TPRX1: variants seen among roughly 807,000 people sequenced by gnomAD.
TPRX1 encodes tetra-peptide repeat homeobox protein 1.
In TPRX1, 2 loss-of-function variants were observed where a neutral mutation model predicts 8.1. The ratio of observed to expected loss-of-function variants is 0.25; its 90% CI spans 0.10 to 0.78. The LOEUF is 0.78. Among genes scored for constraint, TPRX1 ranks in the 30% least tolerant of loss-of-function variants. TPRX1 has a pLI of 0.70. For missense variants in TPRX1, 517 were observed against 586.9 expected (o/e 0.88, Z 1.23); for synonymous variants, 257 against 254.1 (o/e 1.01, Z -0.11).
At position 47,802,396 on chromosome 19, in the gene TPRX1, GCC is replaced by G. The variant is rs1967681161; in HGVS notation, c.904_905del (p.Gly302ProfsTer175). On this transcript the variant is annotated frameshift_variant, in exon 4 of 4. Coordinates refer to ENST00000535759, the Ensembl canonical transcript of TPRX1. LOFTEE classifies it low-confidence loss of function (END_TRUNC). ...GGCCTGAGATTGGGCCTGGGATCGGGCCTGGGATCGGGACTGAGATTGGGCCT... is the reference window on the plus strand; with the variant it reads ...GGCCTGAGATTGGGCCTGGGATCGGGTGGGATCGGGACTGAGATTGGGCCT... 1 of 1,298,892 alleles carries G rather than the reference GCC, an allele frequency of 7.7e-7. No individual in the cohort carries two copies. Among genetic ancestry groups the G allele is most frequent in the Non-Finnish European group, 1.1e-6 (1 of 945,430 alleles). 80.5% of individuals were successfully genotyped at this position (1,298,892 alleles called of 1,614,324 possible).
intron 2 of TPRX1, among the ~76,000 whole-genome samples, chr19:47,811,543 G>A (rs377405720): frequency 2.1e-5 from 3 of 140,998 alleles, no homozygotes; most frequent in Non-Finnish European, 3.0e-5. Flanking sequence ...CTGTTGCCCC[G>A]GCTAGAGTAC....
At chr19:47,802,717 C>G (rs999094996) in exon 4 of TPRX1, 1 of 1,591,150 alleles carries the variant, frequency 6.3e-7, no homozygotes, top group Non-Finnish European at 8.6e-7. Context: ...GGGCAGGGAT[C>G]GGGCCAGGGC....
At chr19:47,815,162 A>ATGCAAATATATATATATATAT (rs1360730858) in intron 2 of TPRX1, among the ~76,000 whole-genome samples, 1 of 74,712 alleles carries the variant, frequency 1.3e-5, no homozygotes, top group Non-Finnish European at 2.7e-5. Flanking sequence ...ATATATATAT[A>ATGCAAATATATATATATATAT]TTTTTTTTTT....
intron 2 of TPRX1, among the ~76,000 whole-genome samples, 96 bp downstream of exon 1, chr19:47,804,419 G>A (rs2123712889): frequency 6.6e-6 from 1 of 152,240 alleles, no homozygotes; most frequent in African/African-American, 2.4e-5. Flanking sequence ...GAAGCCGCCC[G>A]CACAGGCCCA....
At chr19:47,804,265 G>A (rs1349680441) in intron 2 of TPRX1, among the ~76,000 whole-genome samples, 1 of 151,488 alleles carries the variant, frequency 6.6e-6, no homozygotes, top group African/African-American at 2.4e-5. Flanking sequence ...ATGTTGGCTC[G>A]GCTGGTTTCA....
At chr19:47,807,511 GGT>G (rs1197342786) in intron 2 of TPRX1, among the ~76,000 whole-genome samples, 1 of 152,002 alleles carries the variant, frequency 6.6e-6, no homozygotes, top group Non-Finnish European at 1.5e-5. Flanking sequence ...TGGGATTACA[GGT>G]GTGTGTTACC....
chr19:47,811,995 T>C (rs893633330), intron 2 of TPRX1, among the ~76,000 whole-genome samples: 4 of 151,652 alleles, frequency 2.6e-5, no homozygotes, highest in Admixed American at 2.6e-4. Flanking sequence ...GCCTCCCAAG[T>C]AGCTGGGATT....
At chr19:47,815,286 T>C (rs1967829424) in intron 2 of TPRX1, among the ~76,000 whole-genome samples, 1 of 146,028 alleles carries the variant, frequency 6.8e-6, no homozygotes, top group Admixed American at 6.9e-5. Context: ...TCCTGAGTAG[T>C]TGGGATTACA....
At chr19:47,806,256 C>T (rs562503197) in intron 2 of TPRX1, among the ~76,000 whole-genome samples, 6 of 151,292 alleles carry the variant, frequency 4.0e-5, no homozygotes, top group African/African-American at 1.5e-4. Flanking sequence ...CGGTGGCTCA[C>T]GCCTGTAATC....
chr19:47,801,902 G>T (rs1207501908), exon 4 of TPRX1: 13 of 1,614,066 alleles, frequency 8.1e-6, no homozygotes, highest in Non-Finnish European at 1.0e-5. Context: ...AGAGGTCATG[G>T]TGGAGACTGA....
intron 2 of TPRX1, among the ~76,000 whole-genome samples, chr19:47,814,346 T>C (rs1236935395): frequency 1.3e-5 from 2 of 150,946 alleles, no homozygotes; most frequent in Non-Finnish European, 3.0e-5. Flanking sequence ...TGAGCCACAG[T>C]GCCCAGTCAA....
rs1568617437 is a variant in TPRX1, at chr19:47,815,155, TATATATA to T, written c.151+3306_151+3312del. Among the ~76,000 whole-genome samples, 15 of 86,800 alleles carry T rather than the reference TATATATA, an allele frequency of 1.7e-4. 1 individual carries two copies. Among genetic ancestry groups the T allele is most frequent in the African/African-American group, 6.5e-4 (13 of 19,982 alleles). 56.9% of individuals were successfully genotyped at this position (86,800 alleles called of 152,430 possible). On this transcript the variant is annotated intron_variant, in intron 2 of 3. Transcript: ENST00000535759. ...ATATATATATATATGCAAATATATATATATATATTTTTTTTTTTTGAGACAGTCTTGC... is the reference window on the plus strand; with the variant it reads ...ATATATATATATATGCAAATATATATTTTTTTTTTTTTGAGACAGTCTTGC...
Sources: allele counts gnomAD v4.1 joint callset (sites outside exome capture counted in the v4.1 genomes callset), GRCh38; gene constraint gnomAD v4.1.1; transcripts MANE v1.5; gene names NCBI Gene and HGNC (gene_info 2026-07-23, HGNC 2026-07-21).